Variants in WNT4 observed in about 807,000 individuals in gnomAD.
The protein encoded by WNT4 is protein Wnt-4.
Under a neutral mutation model 34.5 loss-of-function variants are expected in WNT4, and 16 were observed. That is an observed-to-expected ratio of 0.46 (90% confidence interval 0.31 to 0.70). The LOEUF is 0.70. WNT4 is among the 30% of genes least tolerant of loss of function. The pLI is 0.04. For missense variants in WNT4, 379 were observed against 495.9 expected, an observed-to-expected ratio of 0.76 and a Z score of 2.24; for synonymous variants, 200 against 211.9, an observed-to-expected ratio of 0.94 and a Z score of 0.49.
In WNT4 at chr1:22,117,398, G is replaced by A. The variant is rs1455550253; in HGVS notation, c.*2652C>T. ...AGCCTAGTATAAAAATTGGAGGATG[G>A]GGTGGGGCAGCAGAGTGGGTTAGCA... On this transcript the variant is annotated 3_prime_UTR_variant, in exon 5 of 5. Coordinates refer to ENST00000290167, the MANE Select transcript of WNT4 (RefSeq NM_030761.5). 2.0e-5 allele frequency: 3 copies of A among 152,396 alleles called. No homozygotes were observed. The highest frequency in any genetic ancestry group is 3.9e-4 in the East Asian group (2 of 5,190). The allele number at this position is 152,396 out of a possible 1,614,324, so 9.4% of individuals were successfully genotyped here. A position where few individuals can be genotyped will look rare whatever the true frequency, so the allele number is the denominator to read the frequency against.
chr1:22,142,818 C>T lies in WNT4; in HGVS notation c.77+28G>A. The T allele has an allele frequency of 4.3e-6, 5 of 1,170,716 alleles. No homozygotes were observed. The highest frequency in any genetic ancestry group is 5.4e-6 in the Non-Finnish European group (5 of 924,504). 72.5% of individuals were successfully genotyped at this position (1,170,716 alleles called of 1,614,324 possible). On this transcript the variant is annotated intron_variant, in intron 1 of 4. Coordinates refer to ENST00000290167, the MANE Select transcript of WNT4 (RefSeq NM_030761.5). This position sits in a 1 kb window ranked among gnomAD's most constrained non-coding sequence, Gnocchi z 6.0. Reference sequence around the variant, plus strand: ...CCCCGGGGCCTGCCCCGCCCCGCCCCGCCCCGCTCGGCCCCGGCCAGACTT... The same window carrying T: ...CCCCGGGGCCTGCCCCGCCCCGCCCTGCCCCGCTCGGCCCCGGCCAGACTT...
chr1:22,127,172 A>G, intron 2 of WNT4: 1 of 413,166 alleles, frequency 2.4e-6, no homozygotes, highest in Admixed American at 2.6e-5. Flanking sequence ...TAGTCTCGGC[A>G]CCTTGACATG....
chr1:22,122,174 C>T (rs190813897), intron 2 of WNT4, among the ~76,000 whole-genome samples: 2 of 152,348 alleles, frequency 1.3e-5, no homozygotes, highest in South Asian at 2.1e-4. Flanking sequence ...TGTCTTGCTT[C>T]CTTAGAGTAA....
chr1:22,127,375 G>C (rs1255296309), intron 2 of WNT4: 1 of 533,118 alleles, frequency 1.9e-6, no homozygotes, highest in Non-Finnish European at 3.8e-6. Flanking sequence ...CTTCAGGCCA[G>C]CATTGCCCCA....
chr1:22,142,867 G>T lies in WNT4; in HGVS notation c.56C>A (p.Ser19Ter). ...SLRLLVFAVF[S>*]AAASNWLYLA... Reference sequence around the variant, plus strand: ...TTACAGCCAGTTGCTCGCGGCGGCTGAGAAGACGGCGAAGACGAGGAGGCG... The same window carrying T: ...TTACAGCCAGTTGCTCGCGGCGGCTTAGAAGACGGCGAAGACGAGGAGGCG... The change falls in exon 1 of 5, where the codon TCA (serine) becomes TAA (stop). Residue 19 changes from serine (S) to a stop codon, truncating the protein, a stop_gained. Coordinates refer to ENST00000290167, the MANE Select transcript of WNT4 (RefSeq NM_030761.5). LOFTEE classifies it high-confidence loss of function. This position sits in a 1 kb window ranked among gnomAD's most constrained non-coding sequence, Gnocchi z 6.0. The T allele has an allele frequency of 8.2e-7, 1 of 1,213,634 alleles. No homozygotes were observed. Among genetic ancestry groups the T allele is most frequent in the Non-Finnish European group, 1.1e-6 (1 of 947,858 alleles). The allele number at this position is 1,213,634 out of a possible 1,614,324, so 75.2% of individuals were successfully genotyped here. A position where few individuals can be genotyped will look rare whatever the true frequency, so the allele number is the denominator to read the frequency against.
rs1189395944 is a variant in WNT4, at chr1:22,119,687, A to G, written c.*363T>C. Reference sequence around the variant, plus strand: ...CTGCCATAAGGCCCCCTCTTCCCCGATGACACGGTCAGTAGCCATGTGGTG... The same window carrying G: ...CTGCCATAAGGCCCCCTCTTCCCCGGTGACACGGTCAGTAGCCATGTGGTG... On this transcript the variant is annotated 3_prime_UTR_variant, in exon 5 of 5. Coordinates refer to ENST00000290167, the MANE Select transcript of WNT4 (RefSeq NM_030761.5). 2.8e-6 allele frequency: 1 copy of G among 360,856 alleles called. No individual in the cohort carries two copies. Among genetic ancestry groups the G allele is most frequent in the African/African-American group, 2.1e-5 (1 of 48,044 alleles). 22.4% of individuals were successfully genotyped at this position (360,856 alleles called of 1,614,324 possible).
rs1051746900 is a variant in WNT4, at chr1:22,142,279, GC to G, written c.77+566del. On this transcript the variant is annotated intron_variant, in intron 1 of 4. Transcript: ENST00000290167. The surrounding 1 kb of genome is among the most constrained non-coding windows in gnomAD (Gnocchi z 6.0). ...CAAGGCCCGGCCAGCGCCAGCGCCA[GC>G]CCCGGGCCCTGGGAGACCAGGCGTC... Among the ~76,000 whole-genome samples the G allele has an allele frequency of 2.0e-5, 3 of 152,062 alleles. No homozygotes were observed. The highest frequency in any genetic ancestry group is 7.2e-5 in the African/African-American group (3 of 41,418).
intron 2 of WNT4, among the ~76,000 whole-genome samples, chr1:22,127,956 T>C (rs1445237161): frequency 6.6e-6 from 1 of 152,148 alleles, no homozygotes; most frequent in African/African-American, 2.4e-5. Context: ...TGCCAATCTA[T>C]CCACCAATCT....
In WNT4 at chr1:22,140,051, C is replaced by T. The variant is rs1171313942; in HGVS notation, c.77+2795G>A. 4.2e-6 allele frequency: 2 copies of T among 470,924 alleles called. No homozygotes were observed. The highest frequency in any genetic ancestry group is 5.6e-6 in the Non-Finnish European group (2 of 359,662). 29.2% of individuals were successfully genotyped at this position (470,924 alleles called of 1,614,324 possible). A position where few individuals can be genotyped will look rare whatever the true frequency, so the allele number is the denominator to read the frequency against. On this transcript the variant is annotated intron_variant, in intron 1 of 4. Transcript: ENST00000290167. This position sits in a 1 kb window ranked among gnomAD's most constrained non-coding sequence, Gnocchi z 5.9. ...CCTCCCCACCAGGCCACCTGCCCTT[C>T]TGAGACAACAGATAGTCCTGGCTCT... is the stretch of plus-strand genomic sequence containing the variant.
chr1:22,136,408 G>A (rs543540843), intron 1 of WNT4, among the ~76,000 whole-genome samples: 2 of 152,196 alleles, frequency 1.3e-5, no homozygotes, highest in Non-Finnish European at 2.9e-5. Context: ...CTGGGGTTGG[G>A]GAAAGAGGAG....
intron 2 of WNT4, 71 bp from the exon 3 acceptor site, chr1:22,121,647 A>G: frequency 6.3e-7 from 1 of 1,576,642 alleles, no homozygotes; most frequent in Non-Finnish European, 8.6e-7. Flanking sequence ...GTAGAGGGGG[A>G]GGGGCATATG....
chr1:22,121,556 C>T lies in WNT4; in HGVS notation c.334G>A (p.Val112Met), dbSNP rs1360589444. 2 of 1,613,670 alleles carry T rather than the reference C, an allele frequency of 1.2e-6. No individual in the cohort carries two copies. Among genetic ancestry groups the T allele is most frequent in the East Asian group, 2.2e-5 (1 of 44,872 alleles). Residue 112 changes from valine (V) to methionine (M), a missense_variant, in exon 3 of 5, where the codon GTG (valine) becomes ATG (methionine). Val to Met is a conservative substitution (Grantham distance 21). This residue lies in a region of WNT4 where 313 missense variants were observed against 445.8 expected (regional missense o/e 0.70). Coordinates refer to ENST00000290167, the MANE Select transcript of WNT4 (RefSeq NM_030761.5). ...ACACCTGCCGAAGAGATGGCGTACACGAAGGCCGCCTCCCGAGTCCCTGTG... is the reference window on the plus strand; with the variant it reads ...ACACCTGCCGAAGAGATGGCGTACATGAAGGCCGCCTCCCGAGTCCCTGTG... ...VTQGTREAAFVYAISSAGVAF... is the reference protein window; with the variant it reads ...VTQGTREAAFMYAISSAGVAF...
Position 22,119,613 on chromosome 1 carries a change from T to G in WNT4, c.*437A>C. ...TGTATGTGTGCTGGAGAGTTAAGAG[T>G]TCTTTTTTCCAGAGGGTGTGACTTC... On this transcript the variant is annotated 3_prime_UTR_variant, in exon 5 of 5. Transcript: ENST00000290167. 1 of 223,690 alleles carries G rather than the reference T, an allele frequency of 4.5e-6. No homozygotes were observed. The highest frequency in any genetic ancestry group is 8.5e-6 in the Non-Finnish European group (1 of 117,984). 13.9% of individuals were successfully genotyped at this position (223,690 alleles called of 1,614,324 possible). A position where few individuals can be genotyped will look rare whatever the true frequency, so the allele number is the denominator to read the frequency against.
At chr1:22,138,402 G>GCC (rs36031493) in intron 1 of WNT4, among the ~76,000 whole-genome samples, 208 of 149,356 alleles carry the variant, frequency 1.4e-3, no homozygotes, top group East Asian at 0.014. Flanking sequence ...GAATGATTTT[G>GCC]CCCGCCCCCC....
At position 22,137,341 on chromosome 1, in the gene WNT4, C is replaced by T. The variant is rs930410109; in HGVS notation, c.77+5505G>A. Among the ~76,000 whole-genome samples, 1 of 152,182 alleles carries T rather than the reference C, an allele frequency of 6.6e-6. No individual in the cohort carries two copies. The highest frequency in any genetic ancestry group is 1.5e-5 in the Non-Finnish European group (1 of 68,028). ...ACTCAGAGATAAAACCTGGCAACTC[C>T]TGTGGAAATCTGGAGAGCAACCCTG... On this transcript the variant is annotated intron_variant, in intron 1 of 4. Coordinates refer to ENST00000290167, the MANE Select transcript of WNT4 (RefSeq NM_030761.5). This position sits in a 1 kb window ranked among gnomAD's most constrained non-coding sequence, Gnocchi z 5.3.
rs751730653 is a variant in WNT4, at chr1:22,121,359, G to T, written c.446-6C>A. ...GCATCCTGACCACTGGAAGCCTGGG[G>T]TGTGGTGGGCACAGAAAGGGCTGCG... On this transcript the variant is annotated splice_region_variant and splice_polypyrimidine_tract_variant and intron_variant, in intron 3 of 4. Coordinates refer to ENST00000290167, the MANE Select transcript of WNT4 (RefSeq NM_030761.5). 1 of 1,614,094 alleles carries T rather than the reference G, an allele frequency of 6.2e-7. No individual in the cohort carries two copies.
chr1:22,121,189 G>A, intron 4 of WNT4, 22 bp downstream of exon 4: 3 of 1,613,494 alleles, frequency 1.9e-6, no homozygotes, highest in Non-Finnish European at 2.5e-6. Flanking sequence ...CCCGCTCTTG[G>A]TGGGGGGTAG....
chr1:22,128,631 T>C (rs1049326207), intron 2 of WNT4, among the ~76,000 whole-genome samples: 6 of 152,198 alleles, frequency 3.9e-5, no homozygotes, highest in African/African-American at 1.4e-4. Context: ...GGCCCATTGA[T>C]CACAGCGTCT....
chr1:22,127,148 G>A (rs55726534), intron 2 of WNT4: 3,991 of 392,216 alleles, frequency 0.01, 145 homozygotes, highest in African/African-American at 0.075. Context: ...GGCACCTGCC[G>A]AGTGTGACTG....
Sources: gnomAD v4.1 joint callset for allele counts (sites outside exome capture counted in the v4.1 genomes callset) on GRCh38, gnomAD v4.1.1 for gene constraint, gnomAD v4.1.1 regional missense constraint, Gnocchi (gnomAD v3.1) non-coding constraint, MANE v1.5 for transcripts, NCBI Gene and HGNC (gene_info 2026-07-23, HGNC 2026-07-21) for gene names.